The following OTOF variants were observed in gnomAD, a reference collection of about 807,000 sequenced individuals.
The protein encoded by OTOF is otoferlin, also known as fer-1-like family member 2.
Under a neutral mutation model 236.8 loss-of-function variants are expected in OTOF, and 218 were observed. The ratio of observed to expected loss-of-function variants is 0.92; its 90% CI spans 0.82 to 1.03. The LOEUF (loss-of-function observed/expected upper bound fraction) is 1.03, where lower values mean the gene tolerates loss of function less well. Among genes scored for constraint, OTOF ranks in the 50% least tolerant of loss-of-function variants. The pLI is 0.00. For synonymous variants in OTOF, 1,041 were observed against 1,072.5 expected, an observed-to-expected ratio of 0.97 and a Z score of 0.57; for missense variants, 2,590 against 2,694.4, an observed-to-expected ratio of 0.96 and a Z score of 0.86.
chr2:26,513,547 C>T (rs983562221), intron 5 of OTOF, among the ~76,000 whole-genome samples: 1 of 152,214 alleles, frequency 6.6e-6, no homozygotes, highest in Admixed American at 6.5e-5. Flanking sequence ...AGCCAGGGAG[C>T]GGCTGATCCC....
rs55639868 is a variant in OTOF at position 26,502,290 on chromosome 2, G to A, written c.710+10C>T. On this transcript the variant is annotated intron_variant, in intron 7 of 46. Coordinates refer to ENST00000272371, the MANE Select transcript of OTOF (RefSeq NM_194248.3). The stretch of plus-strand genomic sequence containing the variant: ...GGGCAGCTGGGGTTGCAGGGCTCCC[G>A]TCCACTCACCGCTTGTTGGAGACAT... 16,286 of 1,613,840 alleles carry A rather than the reference G, an allele frequency of 0.01. 94 individuals carry two copies. The highest frequency in any genetic ancestry group is 0.014 in the Middle Eastern group (85 of 6,002).
At chr2:26,493,604 C>T (rs1042725503) in intron 9 of OTOF, among the ~76,000 whole-genome samples, 12 of 152,210 alleles carry the variant, frequency 7.9e-5, no homozygotes, top group African/African-American at 2.9e-4. Context: ...TAAGTACTGG[C>T]ATCCAACCTG....
At chr2:26,498,411 T>C (rs1157188158) in intron 8 of OTOF, among the ~76,000 whole-genome samples, 2 of 152,176 alleles carry the variant, frequency 1.3e-5, no homozygotes, top group Non-Finnish European at 2.9e-5. Flanking sequence ...CCATTCCTGC[T>C]GCCTCCCACC....
chr2:26,482,884 CAT>C (rs1378614233), intron 13 of OTOF, among the ~76,000 whole-genome samples: 1 of 124,436 alleles, frequency 8.0e-6, no homozygotes, highest in African/African-American at 3.1e-5. Context: ...TGAGTGGTTG[CAT>C]GTGTGCGTGT....
intron 1 of OTOF, 91 bp downstream of exon 1, chr2:26,558,402 T>C: frequency 8.6e-7 from 1 of 1,160,922 alleles, no homozygotes; most frequent in African/African-American, 1.5e-5. Context: ...CCACCCATCC[T>C]CCCAGCCCTG....
chr2:26,502,528 G>A (rs1339590894), intron 6 of OTOF, 102 bp from the exon 7 acceptor site: 6 of 1,249,620 alleles, frequency 4.8e-6, no homozygotes, highest in Non-Finnish European at 1.1e-6. Flanking sequence ...TTAAATTCGA[G>A]GTTTACTTAG....
chr2:26,483,759 G>A (rs1665628626), intron 12 of OTOF, 111 bp from the exon 13 acceptor site: 1 of 974,856 alleles, frequency 1.0e-6, no homozygotes, highest in Non-Finnish European at 1.6e-6. Flanking sequence ...ACAGCTGAGG[G>A]AGCAAGGCTA....
At chr2:26,466,525 C>T (rs937677622) in intron 36 of OTOF, among the ~76,000 whole-genome samples, 189 bp downstream of exon 36, 5 of 152,092 alleles carry the variant, frequency 3.3e-5, no homozygotes, top group African/African-American at 4.8e-5. Context: ...TTAGTAGAGA[C>T]GGGGTTTAAC....
chr2:26,515,861 T>C (rs1024722232), intron 5 of OTOF, among the ~76,000 whole-genome samples: 1 of 152,222 alleles, frequency 6.6e-6, no homozygotes, highest in Admixed American at 6.5e-5. Flanking sequence ...CAGCTTCCTG[T>C]GATCCATAGG....
At chr2:26,501,893 G>T (rs951481639) in intron 7 of OTOF, 85 bp from the exon 8 acceptor site, 29 of 929,926 alleles carry the variant, frequency 3.1e-5, no homozygotes, top group African/African-American at 4.9e-5. Context: ...AGACCTGGGA[G>T]TGGGCAGAGG....
chr2:26,480,333 C>A (rs368662875), intron 15 of OTOF, 22 bp from the exon 16 acceptor site: 2 of 1,435,590 alleles, frequency 1.4e-6, no homozygotes, highest in Middle Eastern at 1.7e-4. Flanking sequence ...CAGTTCAAAG[C>A]GTTCCTGAGC....
chr2:26,474,766 T>C, intron 25 of OTOF, 92 bp from the exon 26 acceptor site: 2 of 1,430,238 alleles, frequency 1.4e-6, no homozygotes, highest in Non-Finnish European at 9.8e-7. Context: ...TGAGTTGTTG[T>C]AAGGGACAGG....
At chr2:26,540,301 C>A (rs531319829) in intron 1 of OTOF, among the ~76,000 whole-genome samples, 40 of 152,320 alleles carry the variant, frequency 2.6e-4, no homozygotes, top group African/African-American at 9.4e-4. Context: ...CAGGTTGAAG[C>A]CATTCCTATT....
chr2:26,512,625 T>TA (rs1023327210), intron 5 of OTOF, among the ~76,000 whole-genome samples: 9 of 152,184 alleles, frequency 5.9e-5, no homozygotes, highest in African/African-American at 2.2e-4. Context: ...ATGAGCTCCC[T>TA]ATACCTGCCC....
Position 26,485,940 on chromosome 2 carries a change from T to C in OTOF, c.1046-1307A>G, listed in dbSNP as rs536245388. Among the ~76,000 whole-genome samples the C allele has an allele frequency of 4.6e-5, 7 of 152,354 alleles. No individual in the cohort carries two copies. In the East Asian group the frequency reaches 1.2e-3, roughly 25 times the overall value. On this transcript the variant is annotated intron_variant, in intron 11 of 46. Transcript: ENST00000272371. The stretch of plus-strand genomic sequence containing the variant: ...CTGGCAGGCCTCCAGGGAGGGGCCA[T>C]GTCCCAGGAATCCCAGGAGCTTCAG...
chr2:26,481,918 C>T (rs938629838), intron 14 of OTOF, among the ~76,000 whole-genome samples: 1 of 152,114 alleles, frequency 6.6e-6, no homozygotes, highest in Non-Finnish European at 1.5e-5. Flanking sequence ...ACACAGTGAG[C>T]ACTTTGATCC....
At chr2:26,507,727 A>AG (rs1398909737) in intron 5 of OTOF, among the ~76,000 whole-genome samples, 2 of 152,198 alleles carry the variant, frequency 1.3e-5, no homozygotes, top group African/African-American at 2.4e-5. Flanking sequence ...GTGAGAGCCA[A>AG]GGGGAGGCCA....
At chr2:26,557,434 G>C (rs1020344324) in intron 1 of OTOF, among the ~76,000 whole-genome samples, 6 of 152,164 alleles carry the variant, frequency 3.9e-5, no homozygotes, top group Admixed American at 3.3e-4. Flanking sequence ...GAAGGACAGA[G>C]TCAGCCTGGC....
chr2:26,509,147 G>A (rs1010668316), intron 5 of OTOF, among the ~76,000 whole-genome samples: 2 of 152,176 alleles, frequency 1.3e-5, no homozygotes, highest in East Asian at 1.9e-4. Context: ...ATCAAGAAGG[G>A]CCTTAGAGCA....
Sources: allele counts gnomAD v4.1 joint callset (sites outside exome capture counted in the v4.1 genomes callset), GRCh38; gene constraint gnomAD v4.1.1; transcripts MANE v1.5; gene names NCBI Gene and HGNC (gene_info 2026-07-23, HGNC 2026-07-21).